PCDHGB1: variants seen among roughly 807,000 people sequenced by gnomAD.
The protein encoded by PCDHGB1 is protocadherin gamma-B1.
PCDHGB1 carries 34 observed loss-of-function variants against 56.6 expected under a neutral mutation model. The ratio of observed to expected loss-of-function variants is 0.60; its 90% CI spans 0.46 to 0.80. PCDHGB1 has a LOEUF of 0.80. Ranked by LOEUF, PCDHGB1 falls within the 30% of genes least tolerant of loss-of-function variation. PCDHGB1 has a pLI of 0.00. For synonymous variants in PCDHGB1, 561 were observed against 505.9 expected (o/e 1.11, Z -1.46); for missense variants, 1,278 against 1,204.6 (o/e 1.06, Z -0.90).
chr5:141,355,648 G>T (rs11575949), intron 1 of PCDHGB1: 1 of 1,613,846 alleles, frequency 6.2e-7, no homozygotes. Flanking sequence ...AAATCCTGGG[G>T]CAAGATTTCC....
intron 1 of PCDHGB1, among the ~76,000 whole-genome samples, chr5:141,425,406 T>C (rs915792432): frequency 3.9e-5 from 6 of 152,222 alleles, no homozygotes; most frequent in Non-Finnish European, 7.3e-5. Flanking sequence ...TCTGTTAAGG[T>C]ATAACATATA....
At chr5:141,409,317 G>A in intron 1 of PCDHGB1, 2 of 1,613,940 alleles carry the variant, frequency 1.2e-6, no homozygotes, top group Non-Finnish European at 1.7e-6. Flanking sequence ...TTCAAAACAC[G>A]GGATCTGGAT....
intron 1 of PCDHGB1, chr5:141,441,894 G>T: frequency 2.9e-6 from 1 of 347,862 alleles, no homozygotes; most frequent in Non-Finnish European, 5.6e-6. Context: ...CCAAGGTGGT[G>T]GCTGTAGACG....
intron 1 of PCDHGB1, chr5:141,417,045 A>G (rs890407837): frequency 7.2e-5 from 11 of 152,144 alleles, no homozygotes; most frequent in Admixed American, 1.3e-4. Context: ...TTTTAAAAAA[A>G]ACTGCTCTTG....
chr5:141,480,065 A>G (rs2099511928), intron 1 of PCDHGB1, among the ~76,000 whole-genome samples: 1 of 152,220 alleles, frequency 6.6e-6, no homozygotes, highest in Non-Finnish European at 1.5e-5. Flanking sequence ...TAAGTGTTTT[A>G]TAAGATTCAT....
At chr5:141,492,240 C>T (rs1031016944) in intron 1 of PCDHGB1, among the ~76,000 whole-genome samples, 1 of 152,242 alleles carries the variant, frequency 6.6e-6, no homozygotes, top group African/African-American at 2.4e-5. Flanking sequence ...CTGCTGGCCA[C>T]CCCCACGGCC....
In PCDHGB1 at chr5:141,375,730, C is replaced by A. The variant is rs763067110; in HGVS notation, c.2409+23061C>A. On this transcript the variant is annotated intron_variant, in intron 1 of 3. Coordinates refer to ENST00000523390, the MANE Select transcript of PCDHGB1 (RefSeq NM_018922.3). ...CTCTTAGCAGCAACGTGTCACTGAG[C>A]CTGTTTGTGCTGGACCAGAATGACA... 4 of 1,614,266 alleles carry A rather than the reference C, an allele frequency of 2.5e-6. No homozygotes were observed. Among genetic ancestry groups the A allele is most frequent in the Non-Finnish European group, 3.4e-6 (4 of 1,180,050 alleles).
intron 1 of PCDHGB1, among the ~76,000 whole-genome samples, chr5:141,457,124 ACT>A (rs1304231701): frequency 6.6e-6 from 1 of 152,158 alleles, no homozygotes; most frequent in Non-Finnish European, 1.5e-5. Context: ...AGCAATGGAA[ACT>A]CTGTCCAATA....
chr5:141,396,996 C>G (rs1435849865), intron 1 of PCDHGB1, among the ~76,000 whole-genome samples: 1 of 152,218 alleles, frequency 6.6e-6, no homozygotes, highest in Non-Finnish European at 1.5e-5. Context: ...TTTTATTAAT[C>G]TGACAAATGG....
rs548263490 is a variant in PCDHGB1, at chr5:141,390,417, A to G, written c.2409+37748A>G. On this transcript the variant is annotated intron_variant, in intron 1 of 3. Transcript: ENST00000523390. ...CATTTTAGGAAAGTTGTAGTCAGTT[A>G]AAAAGCTGTCATATCATTCTACAAA... 4 of 1,127,796 alleles carry G rather than the reference A, an allele frequency of 3.5e-6. No homozygotes were observed. The South Asian group carries it at 4.8e-5, about 13-fold the overall frequency. 69.9% of individuals were successfully genotyped at this position (1,127,796 alleles called of 1,614,324 possible). A position where few individuals can be genotyped will look rare whatever the true frequency, so the allele number is the denominator to read the frequency against.
At chr5:141,415,095 C>T (rs1045755927) in intron 1 of PCDHGB1, 1 of 1,613,584 alleles carries the variant, frequency 6.2e-7, no homozygotes, top group Non-Finnish European at 8.5e-7. Context: ...TGGACAGAGA[C>T]GCGCTCAAGC....
chr5:141,371,762 C>G (rs755631698), intron 1 of PCDHGB1: 1 of 1,614,030 alleles, frequency 6.2e-7, no homozygotes, highest in South Asian at 1.1e-5. Context: ...ACCAGGCCTC[C>G]TACACCGTGC....
chr5:141,453,888 C>T (rs1273180395), intron 1 of PCDHGB1, among the ~76,000 whole-genome samples: 2 of 152,198 alleles, frequency 1.3e-5, no homozygotes, highest in East Asian at 1.9e-4. Flanking sequence ...TGTGGCCAAT[C>T]ACATGACTTC....
At chr5:141,419,017 A>G (rs1478763916) in intron 1 of PCDHGB1, 4 of 1,613,928 alleles carry the variant, frequency 2.5e-6, no homozygotes, top group Non-Finnish European at 3.4e-6. Flanking sequence ...GGTGTAGCTT[A>G]AGTAGAGGTG....
chr5:141,476,656 T>C lies in PCDHGB1; in HGVS notation c.2410-18151T>C. 1 of 1,614,210 alleles carries C rather than the reference T, an allele frequency of 6.2e-7. No individual in the cohort carries two copies. Among genetic ancestry groups the C allele is most frequent in the Non-Finnish European group, 8.5e-7 (1 of 1,180,044 alleles). On this transcript the variant is annotated intron_variant, in intron 1 of 3. Coordinates refer to ENST00000523390, the MANE Select transcript of PCDHGB1 (RefSeq NM_018922.3). This position sits in a 1 kb window ranked among gnomAD's most constrained non-coding sequence, Gnocchi z 7.6. ...ATGAGCTGAGCCGAAATGAATACTT[T>C]GCGCTTCGCGTGCAGACGCGGGAGG...
intron 1 of PCDHGB1, chr5:141,404,968 G>A: frequency 6.2e-7 from 1 of 1,613,964 alleles, no homozygotes. Context: ...CAGACATCCT[G>A]GCTGACCTGG....
In PCDHGB1 at chr5:141,485,124, C is replaced by A; in HGVS notation, c.2410-9683C>A. ...GCTGCTGTGGCTGTTTGGGGCGGGT[C>A]GGCTTCATCCGCGTCTCAGGAGCAA... is the stretch of plus-strand genomic sequence containing the variant. On this transcript the variant is annotated intron_variant, in intron 1 of 3. Transcript: ENST00000523390. The surrounding 1 kb of genome is among the most constrained non-coding windows in gnomAD (Gnocchi z 5.7). 2 of 1,390,136 alleles carry A rather than the reference C, an allele frequency of 1.4e-6. No homozygotes were observed. The highest frequency in any genetic ancestry group is 2.5e-5 in the South Asian group (2 of 80,180). 86.1% of individuals were successfully genotyped at this position (1,390,136 alleles called of 1,614,324 possible). A position where few individuals can be genotyped will look rare whatever the true frequency, so the allele number is the denominator to read the frequency against.
chr5:141,378,136 C>T (rs1774655700), intron 1 of PCDHGB1: 1 of 152,158 alleles, frequency 6.6e-6, no homozygotes, highest in Admixed American at 6.5e-5. Context: ...TTGACATCAC[C>T]ATTATTATAA....
Position 141,350,844 on chromosome 5 carries a change from A to G in PCDHGB1, c.584A>G (p.Lys195Arg). 6.2e-7 allele frequency: 1 copy of G among 1,613,980 alleles called. No individual in the cohort carries two copies. The highest frequency in any genetic ancestry group is 1.1e-5 in the South Asian group (1 of 91,076). ...GSKYPVLLLE[K>R]PLDREHQSSH... is the part of the protein sequence containing the mutation. ...AAATATCCGGTATTACTGCTGGAAA[A>G]ACCTCTAGACAGGGAACATCAGAGC... is the stretch of plus-strand genomic sequence containing the variant. Residue 195 changes from lysine (K) to arginine (R), a missense_variant, in exon 1 of 4, where the codon AAA (lysine) becomes AGA (arginine). Lys to Arg is a conservative substitution (Grantham distance 26). Coordinates refer to ENST00000523390, the MANE Select transcript of PCDHGB1 (RefSeq NM_018922.3).
Sources: allele counts gnomAD v4.1 joint callset (sites outside exome capture counted in the v4.1 genomes callset), GRCh38; gene constraint gnomAD v4.1.1; non-coding constraint Gnocchi (gnomAD v3.1); transcripts MANE v1.5; gene names NCBI Gene and HGNC (gene_info 2026-07-23, HGNC 2026-07-21).